The following FSTL5 variants were observed in gnomAD, a reference collection of about 807,000 sequenced individuals.
FSTL5 encodes the protein follistatin-related protein 5.
Under a neutral mutation model 89.1 loss-of-function variants are expected in FSTL5, and 62 were observed. The observed-to-expected ratio is 0.70, with a 90% CI of 0.57 to 0.86. The LOEUF (loss-of-function observed/expected upper bound fraction) is 0.86, where lower values mean the gene tolerates loss of function less well. Ranked by LOEUF, FSTL5 falls within the 40% of genes least tolerant of loss-of-function variation. The pLI is 0.00. For missense variants in FSTL5, 1,057 were observed against 1,001.6 expected (o/e 1.06, Z -0.75); for synonymous variants, 383 against 346.2 (o/e 1.11, Z -1.18).
At chr4:162,084,029 T>A (rs1422203009) in intron 2 of FSTL5, among the ~76,000 whole-genome samples, 1 of 151,866 alleles carries the variant, frequency 6.6e-6, no homozygotes, top group African/African-American at 2.4e-5. Flanking sequence ...GAATATCAAA[T>A]AGGCAGAATG....
chr4:162,128,835 A>G (rs1561034734), intron 1 of FSTL5, among the ~76,000 whole-genome samples: 1 of 152,196 alleles, frequency 6.6e-6, no homozygotes, highest in African/African-American at 2.4e-5. Flanking sequence ...CTCATTGTAA[A>G]AGACTTCATA....
chr4:161,877,220 A>G (rs1484198181), intron 4 of FSTL5, among the ~76,000 whole-genome samples: 1 of 151,150 alleles, frequency 6.6e-6, no homozygotes, highest in Non-Finnish European at 1.5e-5. Flanking sequence ...ATATAGCAGA[A>G]AATATATAGA....
At chr4:161,800,713 G>C (rs1180623261) in intron 4 of FSTL5, among the ~76,000 whole-genome samples, 1 of 151,524 alleles carries the variant, frequency 6.6e-6, no homozygotes, top group African/African-American at 2.4e-5. Flanking sequence ...GTTGAGTGAT[G>C]TTTTAATTCA....
intron 7 of FSTL5, among the ~76,000 whole-genome samples, chr4:161,637,003 G>T (rs373535419): frequency 5.5e-4 from 26 of 46,892 alleles, no homozygotes; most frequent in Admixed American, 1.1e-3. Flanking sequence ...GGGTCAAATG[G>T]TATTTCTAGT....
intron 4 of FSTL5, among the ~76,000 whole-genome samples, chr4:161,833,574 G>T (rs1044375380): frequency 6.7e-6 from 1 of 150,352 alleles, no homozygotes; most frequent in African/African-American, 2.4e-5. Flanking sequence ...CCTGTATTGG[G>T]TGCATATATA....
chr4:161,678,280 A>G (rs1737381135), intron 6 of FSTL5, among the ~76,000 whole-genome samples: 1 of 151,842 alleles, frequency 6.6e-6, no homozygotes, highest in African/African-American at 2.4e-5. Flanking sequence ...GTCCACACTT[A>G]TAGAAAACAA....
intron 3 of FSTL5, among the ~76,000 whole-genome samples, chr4:162,014,780 A>C (rs922599190): frequency 2.0e-5 from 3 of 152,112 alleles, no homozygotes; most frequent in African/African-American, 7.3e-5. Context: ...GGTTAAAGGA[A>C]GCAAGGCATT....
intron 6 of FSTL5, among the ~76,000 whole-genome samples, chr4:161,691,878 A>T (rs1427886909): frequency 6.6e-6 from 1 of 151,956 alleles, no homozygotes; most frequent in African/African-American, 2.4e-5. Flanking sequence ...TCCTGCATCT[A>T]TGCTGATTTT....
chr4:161,816,172 GTAA>G (rs1730321055), intron 4 of FSTL5, among the ~76,000 whole-genome samples: 1 of 152,122 alleles, frequency 6.6e-6, no homozygotes, highest in Non-Finnish European at 1.5e-5. Flanking sequence ...ATAAACTGAG[GTAA>G]TACCATACCA....
intron 15 of FSTL5, among the ~76,000 whole-genome samples, chr4:161,451,717 G>C (rs189226209): frequency 6.6e-6 from 1 of 152,336 alleles, no homozygotes; most frequent in Non-Finnish European, 1.5e-5. Context: ...TGTGTACTCT[G>C]AACACAGCAT....
chr4:161,837,445 T>C lies in FSTL5; in HGVS notation c.410-61371A>G, dbSNP rs919939030. Among the ~76,000 whole-genome samples, 6 of 152,192 alleles carry C rather than the reference T, an allele frequency of 3.9e-5. No homozygotes were observed. In the South Asian group the frequency reaches 1.2e-3, roughly 32 times the overall value. On this transcript the variant is annotated intron_variant, in intron 4 of 15. Coordinates refer to ENST00000306100, the MANE Select transcript of FSTL5 (RefSeq NM_020116.5). ...AAATATGCCTATTATATTTGGTAAATAAATAGGATGCCATTGAAATTAGGG... is the reference window on the plus strand; with the variant it reads ...AAATATGCCTATTATATTTGGTAAACAAATAGGATGCCATTGAAATTAGGG...
intron 15 of FSTL5, among the ~76,000 whole-genome samples, chr4:161,400,674 T>A (rs577732091): frequency 6.6e-6 from 1 of 152,234 alleles, no homozygotes; most frequent in Admixed American, 6.5e-5. Context: ...ATATTACATA[T>A]AGAAACATTG....
At chr4:161,581,357 T>C (rs1733432106) in intron 8 of FSTL5, among the ~76,000 whole-genome samples, 2 of 152,200 alleles carry the variant, frequency 1.3e-5, no homozygotes, top group Admixed American at 6.5e-5. Context: ...CTCTCATTTA[T>C]TAACTCACAG....
chr4:162,140,704 G>T (rs2111479478), intron 1 of FSTL5, among the ~76,000 whole-genome samples: 1 of 152,238 alleles, frequency 6.6e-6, no homozygotes, highest in South Asian at 2.1e-4. Context: ...AGTCTTAAGA[G>T]TAACATAATC....
At chr4:161,497,044 A>G (rs539183785) in intron 12 of FSTL5, among the ~76,000 whole-genome samples, 11 of 152,252 alleles carry the variant, frequency 7.2e-5, no homozygotes, top group African/African-American at 2.4e-4. Context: ...TAGCTTCCAC[A>G]CTCTGAATTG....
At chr4:162,153,663 T>TA (rs200225187) in intron 1 of FSTL5, among the ~76,000 whole-genome samples, 25,474 of 135,692 alleles carry the variant, frequency 0.19, 3,052 homozygotes, top group Non-Finnish European at 0.21. Context: ...ATGTATATAA[T>TA]ATATGTATAT....
At chr4:161,816,637 A>G (rs1233940549) in intron 4 of FSTL5, among the ~76,000 whole-genome samples, 1 of 152,210 alleles carries the variant, frequency 6.6e-6, no homozygotes, top group East Asian at 1.9e-4. Flanking sequence ...TAACACATAA[A>G]AAATTTTCGG....
At chr4:162,096,848 T>C (rs951878106) in intron 2 of FSTL5, among the ~76,000 whole-genome samples, 22 of 151,878 alleles carry the variant, frequency 1.4e-4, no homozygotes, top group Admixed American at 1.1e-3. Flanking sequence ...ATTCAATTGA[T>C]GAAATGAAAA....
At chr4:161,980,961 T>C (rs1376151726) in intron 3 of FSTL5, among the ~76,000 whole-genome samples, 1 of 151,896 alleles carries the variant, frequency 6.6e-6, no homozygotes, top group Non-Finnish European at 1.5e-5. Context: ...GGGTTTCACA[T>C]ATTGGCCAGG....
Sources: gnomAD v4.1 joint callset for allele counts (sites outside exome capture counted in the v4.1 genomes callset) on GRCh38, gnomAD v4.1.1 for gene constraint, MANE v1.5 for transcripts, NCBI Gene and HGNC (gene_info 2026-07-23, HGNC 2026-07-21) for gene names.